The following SLC8A1 variants were observed in gnomAD, a reference collection of about 807,000 sequenced individuals.
SLC8A1 encodes solute carrier family 8 member A1.
Under a neutral mutation model 68.3 loss-of-function variants are expected in SLC8A1, and 18 were observed. The observed-to-expected ratio is 0.26, with a 90% CI of 0.18 to 0.39. The LOEUF is 0.39. Among genes scored for constraint, SLC8A1 ranks in the 10% least tolerant of loss-of-function variants. The pLI, the probability that SLC8A1 is intolerant of heterozygous loss-of-function variation, is 1.00. For synonymous variants in SLC8A1, 475 were observed against 415.5 expected, an observed-to-expected ratio of 1.14 and a Z score of -1.74; for missense variants, 985 against 1,156.7, an observed-to-expected ratio of 0.85 and a Z score of 2.15.
chr2:40,477,038 GT>G (rs1704335094), intron 1 of SLC8A1, among the ~76,000 whole-genome samples: 1 of 152,112 alleles, frequency 6.6e-6, no homozygotes, highest in African/African-American at 2.4e-5. Context: ...AGGAATTATT[GT>G]TTTGTGGGTG....
intron 2 of SLC8A1, among the ~76,000 whole-genome samples, chr2:40,242,316 A>G (rs1038563976): frequency 5.9e-5 from 9 of 152,236 alleles, no homozygotes; most frequent in Non-Finnish European, 1.5e-5. Flanking sequence ...AAACTAAAAC[A>G]TAAAGATAAA....
At chr2:40,486,972 A>T (rs1576652753) in intron 1 of SLC8A1, among the ~76,000 whole-genome samples, 1 of 149,942 alleles carries the variant, frequency 6.7e-6, no homozygotes, top group East Asian at 2.0e-4. Context: ...GGTCTCACTC[A>T]TAGGTGGGAA....
chr2:40,216,538 A>G (rs2057515906), intron 2 of SLC8A1, among the ~76,000 whole-genome samples: 1 of 152,202 alleles, frequency 6.6e-6, no homozygotes, highest in South Asian at 2.1e-4. Flanking sequence ...TTGCTTGATC[A>G]AATGGTATTT....
intron 2 of SLC8A1, among the ~76,000 whole-genome samples, chr2:40,247,032 C>G (rs565230423): frequency 6.6e-6 from 1 of 152,170 alleles, no homozygotes; most frequent in East Asian, 1.9e-4. Context: ...TGAGAAATAG[C>G]CATTTTAGTG....
At chr2:40,364,892 A>T (rs887728076) in intron 2 of SLC8A1, among the ~76,000 whole-genome samples, 2 of 152,064 alleles carry the variant, frequency 1.3e-5, no homozygotes, top group African/African-American at 4.8e-5. Context: ...GAGAAATGAC[A>T]GGGAACAGCT....
chr2:40,309,629 C>T (rs1425449563), intron 2 of SLC8A1, among the ~76,000 whole-genome samples: 2 of 151,526 alleles, frequency 1.3e-5, no homozygotes, highest in Non-Finnish European at 2.9e-5. Context: ...CCTCACCCTC[C>T]CAAGTAGCTG....
At chr2:40,314,462 G>T (rs1003732045) in intron 2 of SLC8A1, among the ~76,000 whole-genome samples, 1 of 151,064 alleles carries the variant, frequency 6.6e-6, no homozygotes, top group Admixed American at 6.6e-5. Context: ...TTTTCCAGTG[G>T]TATTTTAGCT....
At chr2:40,462,001 CTTTTTTT>C (rs370223854) in intron 1 of SLC8A1, among the ~76,000 whole-genome samples, 13 of 66,160 alleles carry the variant, frequency 2.0e-4, no homozygotes, top group East Asian at 1.3e-3. Flanking sequence ...TAAAATCCTC[CTTTTTTT>C]TTTTTTTTTT....
rs1257641441 is a variant in SLC8A1 at position 40,458,441 on chromosome 2, C to T, written c.-24-28137G>A. ...GGACATGAATTAGTAGAACATGTAT[C>T]GTCCCCTGTAAGGGGACTGGTGTAG... On this transcript the variant is annotated intron_variant, in intron 1 of 7. Transcript: ENST00000402441. Among the ~76,000 whole-genome samples the T allele has an allele frequency of 4.6e-5, 7 of 152,112 alleles. No individual in the cohort carries two copies. The East Asian group carries it at 7.8e-4, about 17-fold the overall frequency.
intron 2 of SLC8A1, among the ~76,000 whole-genome samples, chr2:40,210,857 T>C (rs1439016304): frequency 1.3e-5 from 2 of 152,204 alleles, no homozygotes; most frequent in Non-Finnish European, 2.9e-5. Flanking sequence ...CCTTTACCTT[T>C]TTGTCATGTA....
intron 2 of SLC8A1, among the ~76,000 whole-genome samples, chr2:40,327,605 G>A (rs1345073811): frequency 6.6e-6 from 1 of 152,076 alleles, no homozygotes; most frequent in African/African-American, 2.4e-5. Flanking sequence ...GTTCTTTGCA[G>A]CAACATGGAT....
intron 2 of SLC8A1, among the ~76,000 whole-genome samples, chr2:40,390,890 T>C (rs1685042218): frequency 6.6e-6 from 1 of 152,094 alleles, no homozygotes; most frequent in Admixed American, 6.6e-5. Context: ...TATTTTGGCA[T>C]TTCTATTCTC....
At chr2:40,279,933 T>A (rs1200371858) in intron 2 of SLC8A1, among the ~76,000 whole-genome samples, 1 of 152,208 alleles carries the variant, frequency 6.6e-6, no homozygotes, top group East Asian at 1.9e-4. Flanking sequence ...TTAAAAATTG[T>A]TCCCTGCCTC....
At chr2:40,391,136 C>T (rs1266454278) in intron 2 of SLC8A1, among the ~76,000 whole-genome samples, 1 of 149,042 alleles carries the variant, frequency 6.7e-6, no homozygotes, top group Non-Finnish European at 1.5e-5. Flanking sequence ...ATTCTATTCT[C>T]CTTAAAATAT....
At chr2:40,362,963 C>A (rs1218719320) in intron 2 of SLC8A1, among the ~76,000 whole-genome samples, 1 of 152,092 alleles carries the variant, frequency 6.6e-6, no homozygotes, top group African/African-American at 2.4e-5. Context: ...TTAGTTCTGA[C>A]TAAATGTCCT....
At chr2:40,218,118 G>T (rs895243462) in intron 2 of SLC8A1, among the ~76,000 whole-genome samples, 2 of 152,102 alleles carry the variant, frequency 1.3e-5, no homozygotes, top group African/African-American at 2.4e-5. Context: ...AAATCTAACT[G>T]TAAGACTGGC....
chr2:40,347,087 G>A (rs1232335724), intron 2 of SLC8A1, among the ~76,000 whole-genome samples: 3 of 152,196 alleles, frequency 2.0e-5, no homozygotes, highest in Non-Finnish European at 4.4e-5. Flanking sequence ...ATAGAAGGTT[G>A]GTGTGTCTTC....
chr2:40,469,422 T>A, intron 1 of SLC8A1, among the ~76,000 whole-genome samples: 1 of 152,148 alleles, frequency 6.6e-6, no homozygotes, highest in East Asian at 1.9e-4. Context: ...ATCATGACTG[T>A]ATGTTTCCTG....
intron 1 of SLC8A1, among the ~76,000 whole-genome samples, chr2:40,466,122 C>G (rs940806319): frequency 1.3e-5 from 2 of 152,014 alleles, no homozygotes; most frequent in East Asian, 1.9e-4. Flanking sequence ...TTTTTCATAA[C>G]AGCACAAAAT....
Sources: allele counts gnomAD v4.1 joint callset (sites outside exome capture counted in the v4.1 genomes callset), GRCh38; gene constraint gnomAD v4.1.1; transcripts MANE v1.5; gene names NCBI Gene and HGNC (gene_info 2026-07-23, HGNC 2026-07-21).